The following LRP1 variants were observed in gnomAD, a reference collection of about 807,000 sequenced individuals.
LRP1 encodes prolow-density lipoprotein receptor-related protein 1.
Under a neutral mutation model 541.5 loss-of-function variants are expected in LRP1, and 51 were observed. The ratio of observed to expected loss-of-function variants is 0.09; its 90% CI spans 0.08 to 0.12. The LOEUF (loss-of-function observed/expected upper bound fraction) is 0.12, where lower values mean the gene tolerates loss of function less well. Among genes scored for constraint, LRP1 ranks in the 10% least tolerant of loss-of-function variants. The pLI, the probability that LRP1 is intolerant of heterozygous loss-of-function variation, is 1.00. For synonymous variants in LRP1, 2,219 were observed against 2,470.8 expected, an observed-to-expected ratio of 0.90 and a Z score of 3.02; for missense variants, 3,878 against 6,376.2, an observed-to-expected ratio of 0.61 and a Z score of 13.34.
chr12:57,154,770 C>G lies in LRP1; in HGVS notation c.1227+69C>G. ...CAGGGCCTTCTGGTGAGGGGGGAAGCCTCTGTAGGGGAACCGTTCTCTGAG... is the reference window on the plus strand; with the variant it reads ...CAGGGCCTTCTGGTGAGGGGGGAAGGCTCTGTAGGGGAACCGTTCTCTGAG... On this transcript the variant is annotated intron_variant, in intron 8 of 88. Transcript: ENST00000243077. The surrounding 1 kb of genome is among the most constrained non-coding windows in gnomAD (Gnocchi z 4.6). 2 of 1,401,494 alleles carry G rather than the reference C, an allele frequency of 1.4e-6. No individual in the cohort carries two copies. The highest frequency in any genetic ancestry group is 2.0e-6 in the Non-Finnish European group (2 of 1,012,844). The allele number at this position is 1,401,494 out of a possible 1,614,324, so 86.8% of individuals were successfully genotyped here. A position where few individuals can be genotyped will look rare whatever the true frequency, so the allele number is the denominator to read the frequency against.
rs200077030 is a variant in LRP1 at position 57,198,415 on chromosome 12, G to C, written c.9471-50G>C. 3.7e-6 allele frequency: 6 copies of C among 1,606,426 alleles called. No homozygotes were observed. The South Asian group carries it at 6.6e-5, about 18-fold the overall frequency. On this transcript the variant is annotated intron_variant, in intron 59 of 88. Coordinates refer to ENST00000243077, the MANE Select transcript of LRP1 (RefSeq NM_002332.3). The stretch of plus-strand genomic sequence containing the variant: ...AGCCCAGCCTCCCTGCAGGCCACTG[G>C]TGCGATGGGTTACGGGATCTCCCAG...
In LRP1 at chr12:57,195,071, G is replaced by A. The variant is rs911671602; in HGVS notation, c.8278G>A (p.Gly2760Arg). The change falls in exon 51 of 89, where the codon GGG becomes AGG. Residue 2760 changes from glycine (G) to arginine (R), a missense_variant. Coordinates refer to ENST00000243077, the MANE Select transcript of LRP1 (RefSeq NM_002332.3). Reference sequence around the variant, plus strand: ...GCTGTGTGACGGCAGCGATGACTGTGGGGATGGCTCAGACGAGGCTGCTCA... The same window carrying A: ...GCTGTGTGACGGCAGCGATGACTGTAGGGATGGCTCAGACGAGGCTGCTCA... ...QWLCDGSDDC[G>R]DGSDEAAHCE... 1.3e-5 allele frequency: 21 copies of A among 1,613,896 alleles called. No homozygotes were observed. The Admixed American group carries it at 2.2e-4, about 17-fold the overall frequency.
In LRP1 at chr12:57,166,279, G is replaced by C. The variant is rs988756108; in HGVS notation, c.2797+70G>C. On this transcript the variant is annotated intron_variant, in intron 17 of 88. Coordinates refer to ENST00000243077, the MANE Select transcript of LRP1 (RefSeq NM_002332.3). Reference sequence around the variant, plus strand: ...GAGGCAGGGGAGACGAGGGGGCCAGGTTCAGTGGCTCATGCCTATAATCTC... The same window carrying C: ...GAGGCAGGGGAGACGAGGGGGCCAGCTTCAGTGGCTCATGCCTATAATCTC... The C allele has an allele frequency of 2.6e-6, 4 of 1,515,112 alleles. No homozygotes were observed. In the African/African-American group the frequency reaches 4.1e-5, roughly 16 times the overall value. The allele number at this position is 1,515,112 out of a possible 1,614,324, so 93.9% of individuals were successfully genotyped here.
At position 57,162,574 on chromosome 12, in the gene LRP1, G is replaced by A. The variant is rs2035759021; in HGVS notation, c.2404+56G>A. ...ACCTGGAAGGGGTGGTGGGACTTAG[G>A]CATTGATTTGAGACTTCCCTGGGAG... is the stretch of plus-strand genomic sequence containing the variant. On this transcript the variant is annotated intron_variant, in intron 14 of 88. Coordinates refer to ENST00000243077, the MANE Select transcript of LRP1 (RefSeq NM_002332.3). This position sits in a 1 kb window ranked among gnomAD's most constrained non-coding sequence, Gnocchi z 5.2. The A allele has an allele frequency of 6.3e-7, 1 of 1,594,394 alleles. No individual in the cohort carries two copies. The highest frequency in any genetic ancestry group is 1.1e-5 in the South Asian group (1 of 90,310).
chr12:57,181,149 G>T lies in LRP1; in HGVS notation c.5528-8G>T, dbSNP rs752059636. 4 of 1,611,952 alleles carry T rather than the reference G, an allele frequency of 2.5e-6. No homozygotes were observed. Among genetic ancestry groups the T allele is most frequent in the East Asian group, 4.5e-5 (2 of 44,888 alleles). ...AACCCTTTCCCTCTGCCTCCCACCT[G>T]CCCCCAGACCATAAGGGCACCAACC... On this transcript the variant is annotated splice_region_variant and splice_polypyrimidine_tract_variant and intron_variant, in intron 33 of 88. Coordinates refer to ENST00000243077, the MANE Select transcript of LRP1 (RefSeq NM_002332.3).
chr12:57,172,873 C>A (rs2035973623), intron 20 of LRP1, among the ~76,000 whole-genome samples: 1 of 152,202 alleles, frequency 6.6e-6, no homozygotes, highest in Non-Finnish European at 1.5e-5. Context: ...GAAATAGAGG[C>A]TAAGGAGGTG....
intron 19 of LRP1, among the ~76,000 whole-genome samples, 176 bp downstream of exon 19, chr12:57,167,700 C>T (rs1485077569): frequency 6.6e-6 from 1 of 152,222 alleles, no homozygotes; most frequent in Non-Finnish European, 1.5e-5. Context: ...GAGGGAGCCA[C>T]GATGGACCAA....
At chr12:57,132,673 CTCTG>C (rs1055766093) in intron 1 of LRP1, among the ~76,000 whole-genome samples, 6 of 152,152 alleles carry the variant, frequency 3.9e-5, no homozygotes, top group Admixed American at 6.5e-5. Flanking sequence ...TTTAGAACCT[CTCTG>C]TCTCTCACCC....
Position 57,205,995 on chromosome 12 carries a change from C to T in LRP1, c.11590+318C>T, listed in dbSNP as rs1406278448. Among the ~76,000 whole-genome samples, 1 of 152,184 alleles carries T rather than the reference C, an allele frequency of 6.6e-6. No individual in the cohort carries two copies. The highest frequency in any genetic ancestry group is 1.5e-5 in the Non-Finnish European group (1 of 68,040). On this transcript the variant is annotated intron_variant, in intron 75 of 88. Coordinates refer to ENST00000243077, the MANE Select transcript of LRP1 (RefSeq NM_002332.3). The surrounding 1 kb of genome is among the most constrained non-coding windows in gnomAD (Gnocchi z 4.6). ...TCATGGGGGCCTCACCTGCACATTC[C>T]CCACATGCTTTGATGCCCACCTTGC...
intron 6 of LRP1, chr12:57,149,103 G>A (rs995609685): frequency 9.7e-6 from 5 of 514,704 alleles, no homozygotes; most frequent in Non-Finnish European, 1.7e-5. Context: ...TGGAAGGGGT[G>A]CTACCTCCCC....
In LRP1 at chr12:57,180,105, C is replaced by G; in HGVS notation, c.5200C>G (p.Arg1734Gly). Reference sequence around the variant, plus strand: ...CATGGCCAACATGGATGGCAGCAATCGCACCCTGCTCTTCAGTGGCCAGAA... The same window carrying G: ...CATGGCCAACATGGATGGCAGCAATGGCACCCTGCTCTTCAGTGGCCAGAA... Reference protein sequence around the residue: ...ISMANMDGSNRTLLFSGQKGP... With the variant: ...ISMANMDGSNGTLLFSGQKGP... The change falls in exon 31 of 89, where the codon CGC becomes GGC. Residue 1734 changes from arginine to glycine, a missense_variant. By Grantham distance (125) the Arg-to-Gly change is moderately radical. Transcript: ENST00000243077. 6.2e-7 allele frequency: 1 copy of G among 1,613,862 alleles called. No individual in the cohort carries two copies. Among genetic ancestry groups the G allele is most frequent in the Non-Finnish European group, 8.5e-7 (1 of 1,180,020 alleles).
At chr12:57,143,028 G>A (rs933548816) in intron 3 of LRP1, among the ~76,000 whole-genome samples, 1 of 152,138 alleles carries the variant, frequency 6.6e-6, no homozygotes, top group Non-Finnish European at 1.5e-5. Context: ...GCTGGTCTGG[G>A]GGGGCAACTG....
intron 20 of LRP1, among the ~76,000 whole-genome samples, chr12:57,172,271 G>A (rs1283494505): frequency 1.3e-5 from 2 of 151,868 alleles, no homozygotes; most frequent in South Asian, 2.1e-4. Flanking sequence ...CCCAGTTCAC[G>A]CCATTCTCCT....
intron 42 of LRP1, among the ~76,000 whole-genome samples, chr12:57,190,439 C>T (rs1316718070): frequency 6.6e-6 from 1 of 152,230 alleles, no homozygotes; most frequent in East Asian, 1.9e-4. Flanking sequence ...AGGCACAGGG[C>T]AGTTGAGTAA....
chr12:57,185,397 C>T lies in LRP1; in HGVS notation c.6464-134C>T. 1.5e-6 allele frequency: 2 copies of T among 1,334,140 alleles called. No homozygotes were observed. Among genetic ancestry groups the T allele is most frequent in the Non-Finnish European group, 2.0e-6 (2 of 993,918 alleles). The allele number at this position is 1,334,140 out of a possible 1,614,324, so 82.6% of individuals were successfully genotyped here. ...CTGGGACAGATCTTGGCATTGGACTCTGGGCCCTGGAGGGTCATTCAAGCT... is the reference window on the plus strand; with the variant it reads ...CTGGGACAGATCTTGGCATTGGACTTTGGGCCCTGGAGGGTCATTCAAGCT... On this transcript the variant is annotated intron_variant, in intron 40 of 88. Transcript: ENST00000243077. The surrounding 1 kb of genome is among the most constrained non-coding windows in gnomAD (Gnocchi z 4.9).
intron 19 of LRP1, 45 bp downstream of exon 19, chr12:57,167,569 A>G: frequency 6.5e-7 from 1 of 1,532,516 alleles, no homozygotes; most frequent in Non-Finnish European, 9.0e-7. Context: ...AGACAGCTAG[A>G]GGCTACAGCC....
chr12:57,194,892 TG>T, intron 50 of LRP1, 92 bp from the exon 51 acceptor site: 1 of 1,189,302 alleles, frequency 8.4e-7, no homozygotes, highest in Non-Finnish European at 1.2e-6. Flanking sequence ...AGGGGTGCTG[TG>T]GGCATCTCTC....
At position 57,169,135 on chromosome 12, in the gene LRP1, G is replaced by A. The variant is rs551204722; in HGVS notation, c.2996-5G>A. On this transcript the variant is annotated splice_polypyrimidine_tract_variant and splice_region_variant and intron_variant, in intron 19 of 88. Coordinates refer to ENST00000243077, the MANE Select transcript of LRP1 (RefSeq NM_002332.3). ...TTGCCTCTCCCCTTCTTCCCCCACC[G>A]CCAGACAATGACTGTGGGGACAACA... is the stretch of plus-strand genomic sequence containing the variant. 4.9e-5 allele frequency: 78 copies of A among 1,597,102 alleles called. No individual in the cohort carries two copies. The highest frequency in any genetic ancestry group is 3.0e-4 in the South Asian group (27 of 90,452).
chr12:57,175,424 G>T, intron 22 of LRP1, 36 bp from the exon 23 acceptor site: 1 of 1,608,986 alleles, frequency 6.2e-7, no homozygotes. Context: ...CTCAGCTTCT[G>T]ACCCTGGGTC....
Sources: gnomAD v4.1 joint callset for allele counts (sites outside exome capture counted in the v4.1 genomes callset) on GRCh38, gnomAD v4.1.1 for gene constraint, Gnocchi (gnomAD v3.1) non-coding constraint, MANE v1.5 for transcripts, NCBI Gene and HGNC (gene_info 2026-07-23, HGNC 2026-07-21) for gene names.